TAOK3: variants seen among roughly 807,000 people sequenced by gnomAD.
TAOK3 encodes TAO kinase 3.
In TAOK3, 40 loss-of-function variants were observed where a neutral mutation model predicts 120.4. The observed-to-expected ratio is 0.33, with a 90% CI of 0.26 to 0.43. The LOEUF (loss-of-function observed/expected upper bound fraction) is 0.43. Among genes scored for constraint, TAOK3 ranks in the 20% least tolerant of loss-of-function variants. TAOK3 has a pLI of 1.00. For missense variants in TAOK3, 821 were observed against 1,112.1 expected, an observed-to-expected ratio of 0.74 and a Z score of 3.72; for synonymous variants, 355 against 387.5, an observed-to-expected ratio of 0.92 and a Z score of 0.99.
At chr12:118,292,104 AC>A (rs1419401250) in intron 1 of TAOK3, among the ~76,000 whole-genome samples, 1 of 151,928 alleles carries the variant, frequency 6.6e-6, no homozygotes, top group Admixed American at 6.6e-5. Flanking sequence ...ACTGCGCCCA[AC>A]CCCATGAAAT....
chr12:118,171,615 C>A (rs2036001395), intron 17 of TAOK3, among the ~76,000 whole-genome samples: 1 of 152,218 alleles, frequency 6.6e-6, no homozygotes, highest in African/African-American at 2.4e-5. Context: ...CCTTGGCCTC[C>A]CAAAGTGCTG....
chr12:118,285,232 G>A (rs1011423813), intron 1 of TAOK3, among the ~76,000 whole-genome samples: 4 of 151,956 alleles, frequency 2.6e-5, no homozygotes, highest in African/African-American at 4.8e-5. Flanking sequence ...TTGTAGAGAC[G>A]GGGTTTCTCC....
chr12:118,306,578 A>G (rs1319730968), intron 1 of TAOK3, among the ~76,000 whole-genome samples: 1 of 152,184 alleles, frequency 6.6e-6, no homozygotes, highest in African/African-American at 2.4e-5. Flanking sequence ...TTTTTATAAA[A>G]ATCCATACAT....
At chr12:118,236,540 G>T (rs1320667817) in intron 7 of TAOK3, 3 of 152,136 alleles carry the variant, frequency 2.0e-5, no homozygotes, top group Admixed American at 1.3e-4. Flanking sequence ...ATTGGAAGTT[G>T]ATGGTCAGTG....
At chr12:118,289,858 G>T (rs1048306742) in intron 1 of TAOK3, among the ~76,000 whole-genome samples, 3 of 152,012 alleles carry the variant, frequency 2.0e-5, no homozygotes, top group Non-Finnish European at 2.9e-5. Context: ...AGCTGGGCGT[G>T]GTGGTGGGCG....
At position 118,174,698 on chromosome 12, in the gene TAOK3, T is replaced by C. The variant is rs551843162; in HGVS notation, c.1696-2038A>G. 4.9e-4 allele frequency among the ~76,000 whole-genome samples: 75 copies of C among 152,276 alleles called. 1 individual carries two copies. Among genetic ancestry groups the C allele is most frequent in the African/African-American group, 1.8e-3 (74 of 41,556 alleles). ...TTTTTTTTGAGACAGAGTCTTACTC[T>C]GTTGCCCAGGCTGGAGTGCAGTGGT... On this transcript the variant is annotated intron_variant, in intron 16 of 20. Coordinates refer to ENST00000392533, the MANE Select transcript of TAOK3 (RefSeq NM_016281.4).
At chr12:118,327,328 T>A (rs553950111) in intron 1 of TAOK3, among the ~76,000 whole-genome samples, 4 of 152,304 alleles carry the variant, frequency 2.6e-5, no homozygotes, top group African/African-American at 9.6e-5. Context: ...GAAGCTGAAG[T>A]TCTGAAAATG....
intron 13 of TAOK3, chr12:118,198,663 A>T (rs2037868533): frequency 4.1e-6 from 1 of 244,990 alleles, no homozygotes; most frequent in South Asian, 5.1e-5. Context: ...CTGGGATTAC[A>T]GATGTGAGCC....
intron 9 of TAOK3, among the ~76,000 whole-genome samples, chr12:118,223,504 G>A (rs1358136144): frequency 6.7e-6 from 1 of 149,984 alleles, no homozygotes; most frequent in African/African-American, 2.5e-5. Context: ...CCGGCACCAC[G>A]TCTGGCTAAT....
chr12:118,304,994 A>C (rs1477054917), intron 1 of TAOK3, among the ~76,000 whole-genome samples: 1 of 152,222 alleles, frequency 6.6e-6, no homozygotes. Context: ...ATTAAAGTAG[A>C]ACTGAGTTCA....
intron 9 of TAOK3, among the ~76,000 whole-genome samples, chr12:118,217,864 C>CTT (rs535188319): frequency 3.4e-4 from 14 of 40,698 alleles, no homozygotes; most frequent in Non-Finnish European, 4.4e-4. Context: ...TATATATACA[C>CTT]TTTTTTTTTT....
intron 1 of TAOK3, among the ~76,000 whole-genome samples, chr12:118,290,784 G>A (rs1010238434): frequency 1.3e-5 from 2 of 149,096 alleles, no homozygotes; most frequent in African/African-American, 5.0e-5. Context: ...CAGGCTGGAG[G>A]AATCCTATTT....
chr12:118,244,533 CT>C lies in TAOK3; in HGVS notation c.192+360del, dbSNP rs71069434. 2.0e-3 allele frequency among the ~76,000 whole-genome samples: 252 copies of C among 123,934 alleles called. 4 individuals are homozygous for C. The highest frequency in any genetic ancestry group is 6.7e-3 in the African/African-American group (228 of 34,096). 81.3% of individuals were successfully genotyped at this position (123,934 alleles called of 152,430 possible). ...TTTTGTTAATTTCTTTTTTCTTTTT[CT>C]TTTTTTTTTTTTGAGACAGAGCCTC... On this transcript the variant is annotated intron_variant, in intron 4 of 20. Transcript: ENST00000392533.
intron 1 of TAOK3, among the ~76,000 whole-genome samples, chr12:118,360,383 T>C (rs1250711131): frequency 6.7e-6 from 1 of 150,246 alleles, no homozygotes; most frequent in Non-Finnish European, 1.5e-5. Context: ...CTGGCTAACA[T>C]GGTGAAACCT....
chr12:118,263,253 C>T (rs574045973), intron 2 of TAOK3, among the ~76,000 whole-genome samples: 17 of 152,288 alleles, frequency 1.1e-4, no homozygotes, highest in Non-Finnish European at 2.1e-4. Context: ...AAATAATTGT[C>T]TTCAATGAAT....
At chr12:118,309,727 G>A (rs2043194730) in intron 1 of TAOK3, among the ~76,000 whole-genome samples, 1 of 151,896 alleles carries the variant, frequency 6.6e-6, no homozygotes, top group Admixed American at 6.6e-5. Context: ...TGTTGGCCAG[G>A]CTGGTCTCAA....
chr12:118,371,744 G>T lies in TAOK3; in HGVS notation c.-194+904C>A, dbSNP rs2045900876. Among the ~76,000 whole-genome samples, 2 of 151,994 alleles carry T rather than the reference G, an allele frequency of 1.3e-5. No homozygotes were observed. Among genetic ancestry groups the T allele is most frequent in the African/African-American group, 4.8e-5 (2 of 41,416 alleles). ...CCCCGCCCGCTCCCTCGCTGCTCAC[G>T]CCGGGCCCCCGCTATGTGACTGGGG... On this transcript the variant is annotated intron_variant, in intron 1 of 20. Coordinates refer to ENST00000392533, the MANE Select transcript of TAOK3 (RefSeq NM_016281.4). This position sits in a 1 kb window ranked among gnomAD's most constrained non-coding sequence, Gnocchi z 5.5.
chr12:118,207,858 TCACACACACA>T (rs55978716), intron 11 of TAOK3, among the ~76,000 whole-genome samples: 5 of 144,446 alleles, frequency 3.5e-5, no homozygotes, highest in Admixed American at 7.0e-5. Context: ...AGACTCTGTC[TCACACACACA>T]CACACACACA....
chr12:118,243,294 AT>A (rs1291952465), intron 5 of TAOK3, 120 bp downstream of exon 5: 61 of 607,734 alleles, frequency 1.0e-4, no homozygotes, highest in Non-Finnish European at 5.6e-6. Flanking sequence ...TTAAATACTG[AT>A]AACAAAAGTT....
Sources: gnomAD v4.1 joint callset for allele counts (sites outside exome capture counted in the v4.1 genomes callset) on GRCh38, gnomAD v4.1.1 for gene constraint, Gnocchi (gnomAD v3.1) non-coding constraint, MANE v1.5 for transcripts, NCBI Gene and HGNC (gene_info 2026-07-23, HGNC 2026-07-21) for gene names.